CDH10: variants seen among roughly 807,000 people sequenced by gnomAD.
CDH10 encodes the protein cadherin-10.
In CDH10, 30 loss-of-function variants were observed where a neutral mutation model predicts 73.1. That is an observed-to-expected ratio of 0.41 (90% confidence interval 0.31 to 0.56). The LOEUF (loss-of-function observed/expected upper bound fraction) is 0.56, where lower values mean the gene tolerates loss of function less well. Ranked by LOEUF, CDH10 falls within the 20% of genes least tolerant of loss-of-function variation. The pLI is 0.27. For missense variants in CDH10, 815 were observed against 973.7 expected (o/e 0.84, Z 2.17); for synonymous variants, 345 against 348.2 (o/e 0.99, Z 0.10).
intron 1 of CDH10, among the ~76,000 whole-genome samples, chr5:24,600,778 AG>A (rs1273115693): frequency 6.6e-6 from 1 of 152,186 alleles, no homozygotes; most frequent in Admixed American, 6.6e-5. Flanking sequence ...TGCAAAGCTC[AG>A]GGGGGAAAAG....
At chr5:24,582,947 A>G (rs1010168805) in intron 2 of CDH10, among the ~76,000 whole-genome samples, 15 of 152,194 alleles carry the variant, frequency 9.9e-5, no homozygotes, top group African/African-American at 3.4e-4. Flanking sequence ...TAAAATCCCT[A>G]TCAAAGTTTA....
At position 24,511,616 on chromosome 5, in the gene CDH10, C is replaced by T. The variant is rs1742913925; in HGVS notation, c.815-102G>A. ...GATTTCTCAATAGAATAGCCAAAAG[C>T]AAAACATGTAAGACGCAATATAATA... On this transcript the variant is annotated intron_variant, in intron 5 of 11. Coordinates refer to ENST00000264463, the MANE Select transcript of CDH10 (RefSeq NM_006727.5). The T allele has an allele frequency of 9.7e-6, 6 of 619,608 alleles. No homozygotes were observed. The Admixed American group carries it at 1.8e-4, about 19-fold the overall frequency. The allele number at this position is 619,608 out of a possible 1,614,324, so 38.4% of individuals were successfully genotyped here.
chr5:24,615,054 T>C (rs921762979), intron 1 of CDH10, among the ~76,000 whole-genome samples: 7 of 152,180 alleles, frequency 4.6e-5, no homozygotes, highest in Non-Finnish European at 7.4e-5. Context: ...CTCTCAACTA[T>C]GCTTTCTTCT....
At chr5:24,581,256 C>A (rs1057350393) in intron 2 of CDH10, among the ~76,000 whole-genome samples, 2 of 123,610 alleles carry the variant, frequency 1.6e-5, no homozygotes, top group African/African-American at 2.5e-5. Context: ...TCACTAGAAC[C>A]TCTCAATTTT....
chr5:24,621,693 ATC>A (rs71912290), intron 1 of CDH10, among the ~76,000 whole-genome samples: 3,446 of 152,094 alleles, frequency 0.023, 118 homozygotes, highest in African/African-American at 0.078. Context: ...AGCCTAGTTG[ATC>A]TCTCTCTCTC....
intron 2 of CDH10, among the ~76,000 whole-genome samples, chr5:24,568,093 C>G (rs901328793): frequency 2.0e-5 from 3 of 151,932 alleles, no homozygotes; most frequent in Non-Finnish European, 4.4e-5. Flanking sequence ...GAAAAATATC[C>G]ACAAGACTGT....
At chr5:24,513,827 C>T (rs552640338) in intron 5 of CDH10, among the ~76,000 whole-genome samples, 1 of 152,232 alleles carries the variant, frequency 6.6e-6, no homozygotes, top group African/African-American at 2.4e-5. Context: ...TCTAATGGCT[C>T]CCCTGTTCTC....
At chr5:24,606,309 C>G (rs1746757714) in intron 1 of CDH10, among the ~76,000 whole-genome samples, 1 of 152,066 alleles carries the variant, frequency 6.6e-6, no homozygotes, top group Non-Finnish European at 1.5e-5. Context: ...CATCTAACAC[C>G]TGCTAAGATG....
chr5:24,546,119 T>C (rs1744327890), intron 2 of CDH10, among the ~76,000 whole-genome samples: 2 of 152,110 alleles, frequency 1.3e-5, no homozygotes, highest in African/African-American at 4.8e-5. Context: ...TATTTGATTT[T>C]TGAGACACGA....
At chr5:24,519,936 G>C (rs145031145) in intron 5 of CDH10, among the ~76,000 whole-genome samples, 360 of 152,292 alleles carry the variant, frequency 2.4e-3, no homozygotes, top group African/African-American at 8.0e-3. Flanking sequence ...TTGCTAGAAA[G>C]TCTTGGTGCC....
chr5:24,512,505 A>G lies in CDH10; in HGVS notation c.815-991T>C, dbSNP rs1277077627. On this transcript the variant is annotated intron_variant, in intron 5 of 11. Coordinates refer to ENST00000264463, the MANE Select transcript of CDH10 (RefSeq NM_006727.5). ...ACAAAATCCAATGAAATCAGCCATA[A>G]TGGGTAGGAATCCTATTTCTTACTT... 5.5e-5 allele frequency among the ~76,000 whole-genome samples: 7 copies of G among 126,450 alleles called. No individual in the cohort carries two copies. The East Asian group carries it at 1.8e-3, about 33-fold the overall frequency. 83.0% of individuals were successfully genotyped at this position (126,450 alleles called of 152,430 possible).
At chr5:24,501,917 C>A (rs1742510825) in intron 8 of CDH10, among the ~76,000 whole-genome samples, 1 of 151,676 alleles carries the variant, frequency 6.6e-6, no homozygotes, top group South Asian at 2.1e-4. Flanking sequence ...GTTTTATTCT[C>A]CACATGGCCT....
chr5:24,491,938 T>C (rs1292611736), intron 10 of CDH10, 111 bp from the exon 11 acceptor site: 2 of 643,364 alleles, frequency 3.1e-6, no homozygotes, highest in Non-Finnish European at 5.1e-6. Flanking sequence ...AATATAAAAT[T>C]GATATACATT....
intron 2 of CDH10, among the ~76,000 whole-genome samples, chr5:24,587,802 A>G (rs1746073227): frequency 6.6e-6 from 1 of 152,190 alleles, no homozygotes; most frequent in East Asian, 1.9e-4. Context: ...GAGAATTTTG[A>G]GTGCAAAATG....
chr5:24,505,362 G>A, intron 7 of CDH10, 114 bp from the exon 8 acceptor site: 1 of 811,354 alleles, frequency 1.2e-6, no homozygotes, highest in Non-Finnish European at 2.1e-6. Context: ...AGAACACAGT[G>A]CTGATCTGGA....
At chr5:24,613,690 G>A (rs1052919869) in intron 1 of CDH10, among the ~76,000 whole-genome samples, 6 of 151,986 alleles carry the variant, frequency 3.9e-5, no homozygotes, top group African/African-American at 1.2e-4. Context: ...AATAAACTTC[G>A]AGGCACATGA....
At chr5:24,528,082 CT>C (rs1272068981) in intron 5 of CDH10, among the ~76,000 whole-genome samples, 2 of 151,752 alleles carry the variant, frequency 1.3e-5, no homozygotes, top group Non-Finnish European at 2.9e-5. Context: ...TTTGTAACTC[CT>C]TCAAACTATA....
intron 5 of CDH10, among the ~76,000 whole-genome samples, chr5:24,525,891 T>C (rs1342056511): frequency 6.6e-6 from 1 of 152,108 alleles, no homozygotes; most frequent in African/African-American, 2.4e-5. Context: ...AAATCTGTTT[T>C]GCTACATTTC....
intron 2 of CDH10, among the ~76,000 whole-genome samples, chr5:24,577,686 C>T (rs1745654858): frequency 1.3e-5 from 2 of 152,106 alleles, no homozygotes; most frequent in South Asian, 4.1e-4. Flanking sequence ...TTTCTTCCAA[C>T]TCCTAAATTA....
Sources: gnomAD v4.1 joint callset for allele counts (sites outside exome capture counted in the v4.1 genomes callset) on GRCh38, gnomAD v4.1.1 for gene constraint, MANE v1.5 for transcripts, NCBI Gene and HGNC (gene_info 2026-07-23, HGNC 2026-07-21) for gene names.